CADM2: variants seen among roughly 807,000 people sequenced by gnomAD.
CADM2 encodes the protein immunoglobulin superfamily member 4D.
A neutral mutation model predicts 49.8 loss-of-function variants in CADM2; 12 were observed. The observed-to-expected ratio is 0.24, with a 90% CI of 0.15 to 0.39. The LOEUF (loss-of-function observed/expected upper bound fraction) is 0.39. Among genes scored for constraint, CADM2 ranks in the 10% least tolerant of loss-of-function variants. CADM2 has a pLI of 1.00. For missense variants in CADM2, 378 were observed against 492.3 expected (o/e 0.77, Z 2.20); for synonymous variants, 214 against 175.4 (o/e 1.22, Z -1.74).
intron 8 of CADM2, among the ~76,000 whole-genome samples, chr3:85,971,512 T>G (rs1726133798): frequency 6.6e-6 from 1 of 151,680 alleles, no homozygotes; most frequent in Admixed American, 6.6e-5. Flanking sequence ...TATATCACAG[T>G]TCTCCTTGTG....
chr3:85,294,383 C>A (rs2043893793), intron 1 of CADM2, among the ~76,000 whole-genome samples: 1 of 151,820 alleles, frequency 6.6e-6, no homozygotes, highest in Non-Finnish European at 1.5e-5. Flanking sequence ...TTTACAGATT[C>A]AATGCCATCC....
intron 7 of CADM2, among the ~76,000 whole-genome samples, chr3:85,936,591 C>A (rs1721212940): frequency 1.3e-5 from 2 of 151,546 alleles, no homozygotes; most frequent in South Asian, 2.1e-4. Context: ...TTAAAAGATT[C>A]CAATTTATTT....
At chr3:85,458,517 A>T (rs142625236) in intron 1 of CADM2, among the ~76,000 whole-genome samples, 6 of 152,204 alleles carry the variant, frequency 3.9e-5, no homozygotes, top group African/African-American at 1.4e-4. Context: ...GAGAATTAGA[A>T]AAGGTCATAT....
Position 85,684,515 on chromosome 3 carries a change from G to A in CADM2, c.62-42007G>A, listed in dbSNP as rs1420578622. 1.3e-5 allele frequency among the ~76,000 whole-genome samples: 2 copies of A among 152,174 alleles called. 1 individual carries two copies. Among genetic ancestry groups the A allele is most frequent in the Non-Finnish European group, 2.9e-5 (2 of 68,030 alleles). On this transcript the variant is annotated intron_variant, in intron 1 of 9. Coordinates refer to ENST00000383699, the MANE Select transcript of CADM2 (RefSeq NM_001167675.2). Reference sequence around the variant, plus strand: ...AGTGGTTCAAAGACATTTGGACAGAGAGTTGCTAGGGTCTTGTGTATTAGT... The same window carrying A: ...AGTGGTTCAAAGACATTTGGACAGAAAGTTGCTAGGGTCTTGTGTATTAGT...
At chr3:85,317,287 T>A (rs2044492273) in intron 1 of CADM2, among the ~76,000 whole-genome samples, 1 of 152,196 alleles carries the variant, frequency 6.6e-6, no homozygotes, top group African/African-American at 2.4e-5. Flanking sequence ...TAGCACCTCA[T>A]GAGGACCTGA....
chr3:85,956,119 C>T (rs898296293), intron 7 of CADM2, among the ~76,000 whole-genome samples: 18 of 151,660 alleles, frequency 1.2e-4, no homozygotes, highest in Admixed American at 9.9e-4. Context: ...TGTAAAGTGG[C>T]GTAACGTTAT....
At chr3:85,173,983 A>C in intron 1 of CADM2, among the ~76,000 whole-genome samples, 1 of 152,066 alleles carries the variant, frequency 6.6e-6, no homozygotes, top group East Asian at 1.9e-4. Context: ...CTCAGGAGGT[A>C]ATCTATTCTA....
chr3:85,394,528 C>A (rs2034674372), intron 1 of CADM2, among the ~76,000 whole-genome samples: 1 of 152,024 alleles, frequency 6.6e-6, no homozygotes, highest in African/African-American at 2.4e-5. Context: ...ATTGTAAAAG[C>A]AATAACTCCT....
At chr3:85,005,027 A>G (rs1041186410) in intron 1 of CADM2, among the ~76,000 whole-genome samples, 8 of 152,168 alleles carry the variant, frequency 5.3e-5, no homozygotes, top group African/African-American at 1.9e-4. Flanking sequence ...TATCATGAGA[A>G]ACAACCTTTA....
chr3:85,292,573 A>T (rs2106941670), intron 1 of CADM2, among the ~76,000 whole-genome samples: 1 of 152,208 alleles, frequency 6.6e-6, no homozygotes, highest in East Asian at 1.9e-4. Context: ...AAAGAACTGA[A>T]ATTATAACAA....
chr3:85,784,133 T>C lies in CADM2; in HGVS notation c.89-17914T>C, dbSNP rs527405310. Among the ~76,000 whole-genome samples the C allele has an allele frequency of 2.0e-5, 3 of 152,350 alleles. No individual in the cohort carries two copies. The South Asian group carries it at 6.2e-4, about 32-fold the overall frequency. On this transcript the variant is annotated intron_variant, in intron 2 of 9. Coordinates refer to ENST00000383699, the MANE Select transcript of CADM2 (RefSeq NM_001167675.2). ...TAATAGTTGTATTCAAAAGTGTATC[T>C]TTATTCCCATCTTGCTCCCAATAAC...
At chr3:85,221,694 G>A (rs1231239276) in intron 1 of CADM2, among the ~76,000 whole-genome samples, 3 of 152,132 alleles carry the variant, frequency 2.0e-5, no homozygotes, top group Admixed American at 6.6e-5. Context: ...AAAAGGAAAA[G>A]TGTGAGAAAC....
intron 3 of CADM2, among the ~76,000 whole-genome samples, chr3:85,850,449 T>G (rs557357979): frequency 6.7e-6 from 1 of 150,056 alleles, no homozygotes; most frequent in South Asian, 2.2e-4. Context: ...CTCAGCCTCC[T>G]GAGTAGGTGG....
intron 1 of CADM2, among the ~76,000 whole-genome samples, chr3:85,593,341 T>C (rs2063157831): frequency 6.6e-6 from 1 of 151,920 alleles, no homozygotes; most frequent in East Asian, 1.9e-4. Context: ...TAAAGAAAAA[T>C]CAAAGCAAGA....
intron 8 of CADM2, among the ~76,000 whole-genome samples, chr3:85,998,452 A>G (rs990051386): frequency 1.6e-4 from 24 of 152,194 alleles, no homozygotes; most frequent in African/African-American, 5.5e-4. Context: ...ATATGCAAAG[A>G]AAAAGGAGAG....
chr3:85,514,075 T>C (rs2060838171), intron 1 of CADM2, among the ~76,000 whole-genome samples: 1 of 152,082 alleles, frequency 6.6e-6, no homozygotes, highest in Admixed American at 6.6e-5. Context: ...TACAATGACA[T>C]AATTCTTTCA....
chr3:85,983,811 C>T (rs1445976244), intron 8 of CADM2, among the ~76,000 whole-genome samples: 1 of 151,358 alleles, frequency 6.6e-6, no homozygotes, highest in Non-Finnish European at 1.5e-5. Context: ...ATCTATCTAT[C>T]TATCTATCTT....
chr3:85,182,883 T>A (rs570213134), intron 1 of CADM2, among the ~76,000 whole-genome samples: 1 of 152,298 alleles, frequency 6.6e-6, no homozygotes. Flanking sequence ...CTATCCCTGA[T>A]AACACTTGCA....
In CADM2 at chr3:85,707,639, C is replaced by T. The variant is rs923168351; in HGVS notation, c.62-18883C>T. Among the ~76,000 whole-genome samples, 6 of 152,012 alleles carry T rather than the reference C, an allele frequency of 3.9e-5. No homozygotes were observed. The East Asian group carries it at 5.8e-4, about 15-fold the overall frequency. ...GAATTTAAGTAGTGATGTAAAAACA[C>T]GTCAACTTTCTCTTGGAGACACCCA... On this transcript the variant is annotated intron_variant, in intron 1 of 9. Transcript: ENST00000383699.
Sources: allele counts gnomAD v4.1 joint callset (sites outside exome capture counted in the v4.1 genomes callset), GRCh38; gene constraint gnomAD v4.1.1; transcripts MANE v1.5; gene names NCBI Gene and HGNC (gene_info 2026-07-23, HGNC 2026-07-21).